VNN1: variants seen among roughly 807,000 people sequenced by gnomAD.
VNN1 encodes the protein pantetheinase.
In VNN1, 29 loss-of-function variants were observed where a neutral mutation model predicts 41.9. That is an observed-to-expected ratio of 0.69 (90% CI 0.52 to 0.94). The LOEUF (loss-of-function observed/expected upper bound fraction) is 0.94. Among genes scored for constraint, VNN1 ranks in the 40% least tolerant of loss-of-function variants. The pLI is 0.00. For missense variants in VNN1, 637 were observed against 621.1 expected (o/e 1.03, Z -0.27); for synonymous variants, 233 against 224.4 (o/e 1.04, Z -0.34).
intron 5 of VNN1, among the ~76,000 whole-genome samples, chr6:132,690,294 G>A (rs368540037): frequency 1.3e-5 from 2 of 152,164 alleles, no homozygotes; most frequent in Non-Finnish European, 2.9e-5. Context: ...CTGCAGGACA[G>A]GATGTTGCTT....
chr6:132,699,520 A>C (rs968927076), intron 2 of VNN1: 7 of 163,978 alleles, frequency 4.3e-5, no homozygotes, highest in African/African-American at 1.7e-4. Context: ...GTTTGTATCC[A>C]AGTGTTTAAC....
At position 132,693,245 on chromosome 6, in the gene VNN1, G is replaced by A; in HGVS notation, c.605C>T (p.Thr202Ile). The A allele has an allele frequency of 1.2e-6, 2 of 1,614,034 alleles. No homozygotes were observed. The highest frequency in any genetic ancestry group is 1.7e-6 in the Non-Finnish European group (2 of 1,179,946). The change falls in exon 4 of 7, where the codon ACC becomes ATC. Residue 202 changes from threonine to isoleucine, a missense_variant. By Grantham distance (89) the Thr-to-Ile change is moderately conservative. Transcript: ENST00000367928. Reference protein sequence around the residue: ...KEPEIVTFNTTFGSFGIFTCF... With the variant: ...KEPEIVTFNTIFGSFGIFTCF... ...TGTGAAAATGCCAAAACTTCCAAAGGTGGTATTGAAAGTCACAATCTCAGG... is the reference window on the plus strand; with the variant it reads ...TGTGAAAATGCCAAAACTTCCAAAGATGGTATTGAAAGTCACAATCTCAGG...
At chr6:132,690,747 T>A (rs1778271020) in intron 5 of VNN1, among the ~76,000 whole-genome samples, 2 of 151,690 alleles carry the variant, frequency 1.3e-5, no homozygotes, top group Admixed American at 1.3e-4. Flanking sequence ...GTAGTTATCA[T>A]AGAGCAAACA....
chr6:132,705,440 G>A (rs1778506012), intron 2 of VNN1, among the ~76,000 whole-genome samples: 1 of 152,102 alleles, frequency 6.6e-6, no homozygotes. Flanking sequence ...CATTTCAATT[G>A]ACACTGAAAA....
At chr6:132,705,385 T>C (rs1778505291) in intron 2 of VNN1, among the ~76,000 whole-genome samples, 1 of 152,188 alleles carries the variant, frequency 6.6e-6, no homozygotes, top group South Asian at 2.1e-4. Flanking sequence ...AATCAATTGA[T>C]GTGGCACATC....
At position 132,711,746 on chromosome 6, in the gene VNN1, G is replaced by T. The variant is rs1778603111; in HGVS notation, c.304C>A (p.Pro102Thr). 6.2e-7 allele frequency: 1 copy of T among 1,613,582 alleles called. No individual in the cohort carries two copies. Among genetic ancestry groups the T allele is most frequent in the African/African-American group, 1.3e-5 (1 of 74,850 alleles). The change falls in exon 2 of 7, where the codon CCT becomes ACT. Residue 102 changes from proline to threonine, a missense_variant. Pro to Thr is a conservative substitution (Grantham distance 38). Transcript: ENST00000367928. ...TTACAGGGGATCCAGTTTACTTCAG[G>T]GTCTGGGATGTCCTCCAAATATGGG... ...LYPYLEDIPD[P>T]EVNWIPCNNR...
At chr6:132,701,101 G>A (rs1042040243) in intron 2 of VNN1, among the ~76,000 whole-genome samples, 6 of 152,072 alleles carry the variant, frequency 3.9e-5, no homozygotes, top group Non-Finnish European at 5.9e-5. Flanking sequence ...AAATGCTAAC[G>A]ACAAGTCTGG....
At chr6:132,696,922 G>A (rs971368115) in intron 2 of VNN1, among the ~76,000 whole-genome samples, 3 of 151,920 alleles carry the variant, frequency 2.0e-5, no homozygotes, top group Non-Finnish European at 2.9e-5. Context: ...TGGCTAACAC[G>A]GTGAAACCCC....
At position 132,697,021 on chromosome 6, in the gene VNN1, C is replaced by T. The variant is rs552254669; in HGVS notation, c.342-2839G>A. On this transcript the variant is annotated intron_variant, in intron 2 of 6. Transcript: ENST00000367928. ...TCAGGAGGCTGAGGCAGCAGAATGG[C>T]GTGAACTCGGGAGGTGGAGCTTGCA... 7.2e-5 allele frequency among the ~76,000 whole-genome samples: 11 copies of T among 152,006 alleles called. No individual in the cohort carries two copies. The South Asian group carries it at 1.5e-3, about 20-fold the overall frequency.
At chr6:132,708,473 T>G (rs549568264) in intron 2 of VNN1, among the ~76,000 whole-genome samples, 1 of 152,298 alleles carries the variant, frequency 6.6e-6, no homozygotes, top group East Asian at 1.9e-4. Context: ...CCTGTTCCTT[T>G]AACGCTCAGT....
At chr6:132,713,797 G>A (rs1778634916) in intron 1 of VNN1, 29 bp downstream of exon 1, 8 of 1,610,310 alleles carry the variant, frequency 5.0e-6, no homozygotes, top group Non-Finnish European at 6.8e-6. Flanking sequence ...ATAGAATCCA[G>A]TACACTGGAG....
intron 5 of VNN1, among the ~76,000 whole-genome samples, chr6:132,688,856 CT>C (rs1778240986): frequency 6.6e-6 from 1 of 152,008 alleles, no homozygotes. Context: ...CCTCCAGCAC[CT>C]TGGAACACTG....
intron 2 of VNN1, 70 bp from the exon 3 acceptor site, chr6:132,694,252 A>G: frequency 7.0e-7 from 1 of 1,418,986 alleles, no homozygotes; most frequent in Non-Finnish European, 9.5e-7. Flanking sequence ...ATCCTGAATG[A>G]TAGTTGCCTA....
intron 5 of VNN1, among the ~76,000 whole-genome samples, chr6:132,687,316 T>C (rs1369203400): frequency 6.6e-6 from 1 of 152,218 alleles, no homozygotes; most frequent in African/African-American, 2.4e-5. Context: ...GGAAAGGCAG[T>C]TTCAGACCAG....
At position 132,694,088 on chromosome 6, in the gene VNN1, C is replaced by T. The variant is rs45624336; in HGVS notation, c.436G>A (p.Asp146Asn). The T allele has an allele frequency of 3.9e-4, 628 of 1,614,122 alleles. 9 individuals carry two copies. In the East Asian group the frequency reaches 9.2e-3, roughly 24 times the overall value. Reference protein sequence around the residue: ...VANIGDKKPCDTSDPQCPPDG... With the variant: ...VANIGDKKPCNTSDPQCPPDG... ...GGGGGACACTGAGGATCACTGGTAT[C>T]GCATGGCTTCTTGTCCCCAATATTT... The change falls in exon 3 of 7, where the codon GAT becomes AAT. Residue 146 changes from aspartate (D) to asparagine (N), a missense_variant. Transcript: ENST00000367928.
Position 132,681,169 on chromosome 6 carries a change from T to C in VNN1, c.*1971A>G, listed in dbSNP as rs1778114333. On this transcript the variant is annotated 3_prime_UTR_variant, in exon 7 of 7. Transcript: ENST00000367928. ...CATCATGTGGAAGAAGAGATGTCAC[T>C]TCTGTGATTAGGTTTTCAAAGACTG... Among the ~76,000 whole-genome samples, 1 of 152,182 alleles carries C rather than the reference T, an allele frequency of 6.6e-6. No individual in the cohort carries two copies. The highest frequency in any genetic ancestry group is 6.5e-5 in the Admixed American group (1 of 15,278).
Position 132,692,885 on chromosome 6 carries a change from A to G in VNN1, c.826+139T>C, listed in dbSNP as rs144559248. Reference sequence around the variant, plus strand: ...TTTAGACTGAGATTGATTCTATAGCATATTAACAGCTAGATGTTCAAAAAT... The same window carrying G: ...TTTAGACTGAGATTGATTCTATAGCGTATTAACAGCTAGATGTTCAAAAAT... On this transcript the variant is annotated intron_variant, in intron 4 of 6. Transcript: ENST00000367928. The G allele has an allele frequency of 4.9e-5, 52 of 1,052,504 alleles. No individual in the cohort carries two copies. The Middle Eastern group carries it at 9.3e-4, about 19-fold the overall frequency. 65.2% of individuals were successfully genotyped at this position (1,052,504 alleles called of 1,614,324 possible). A position where few individuals can be genotyped will look rare whatever the true frequency, so the allele number is the denominator to read the frequency against.
chr6:132,686,322 C>T (rs760031899), intron 5 of VNN1, among the ~76,000 whole-genome samples: 3 of 152,092 alleles, frequency 2.0e-5, no homozygotes, highest in Admixed American at 6.5e-5. Flanking sequence ...GTGGCATGAA[C>T]CTGTAATCCC....
intron 6 of VNN1, among the ~76,000 whole-genome samples, chr6:132,684,122 A>T (rs45534933): frequency 0.028 from 4,225 of 152,186 alleles, 194 homozygotes; most frequent in African/African-American, 0.097. Flanking sequence ...AATAAGATAT[A>T]TATTTTTTTA....
Sources: gnomAD v4.1 joint callset for allele counts (sites outside exome capture counted in the v4.1 genomes callset) on GRCh38, gnomAD v4.1.1 for gene constraint, MANE v1.5 for transcripts, NCBI Gene and HGNC (gene_info 2026-07-23, HGNC 2026-07-21) for gene names.